Variants in SLC2A13 observed in about 807,000 individuals in gnomAD.
The protein encoded by SLC2A13 is solute carrier family 2 member 13, also known as proton myo-inositol cotransporter.
SLC2A13 carries 32 observed loss-of-function variants against 64.4 expected under a neutral mutation model. The ratio of observed to expected loss-of-function variants is 0.50; its 90% confidence interval spans 0.37 to 0.67. The LOEUF is 0.67. Among genes scored for constraint, SLC2A13 ranks in the 30% least tolerant of loss-of-function variants. The pLI is 0.00. For missense variants in SLC2A13, 743 were observed against 829.2 expected (o/e 0.90, Z 1.28); for synonymous variants, 338 against 327.1 (o/e 1.03, Z -0.36).
chr12:40,020,364 C>T (rs1947691558), intron 3 of SLC2A13, among the ~76,000 whole-genome samples: 1 of 152,150 alleles, frequency 6.6e-6, no homozygotes, highest in Non-Finnish European at 1.5e-5. Context: ...AGTGAGTTCT[C>T]ACGAGCTCTG....
intron 1 of SLC2A13, among the ~76,000 whole-genome samples, chr12:40,075,012 G>A (rs1242950656): frequency 6.6e-6 from 1 of 152,102 alleles, no homozygotes; most frequent in Non-Finnish European, 1.5e-5. Flanking sequence ...GCTTACCCCA[G>A]GCCACTTACA....
intron 1 of SLC2A13, among the ~76,000 whole-genome samples, chr12:40,049,822 G>A (rs1051871151): frequency 5.0e-4 from 76 of 152,004 alleles, no homozygotes; most frequent in Non-Finnish European, 3.8e-4. Flanking sequence ...CTGTATTATT[G>A]CATAACTACT....
intron 2 of SLC2A13, among the ~76,000 whole-genome samples, chr12:40,029,544 C>T (rs1355216841): frequency 2.0e-5 from 3 of 152,138 alleles, no homozygotes; most frequent in Non-Finnish European, 2.9e-5. Context: ...CAAAGCTATT[C>T]TACCTTTTAA....
intron 4 of SLC2A13, among the ~76,000 whole-genome samples, chr12:39,922,758 A>C (rs1315515973): frequency 1.3e-5 from 2 of 152,146 alleles, no homozygotes; most frequent in Non-Finnish European, 2.9e-5. Flanking sequence ...TATTTTCACT[A>C]AATACTGCCT....
rs2136314497 is a variant in SLC2A13, at chr12:40,105,938, G to A, written c.-130C>T. 1 of 1,150,096 alleles carries A rather than the reference G, an allele frequency of 8.7e-7. No homozygotes were observed. The highest frequency in any genetic ancestry group is 2.8e-5 in the South Asian group (1 of 36,062). 71.2% of individuals were successfully genotyped at this position (1,150,096 alleles called of 1,614,324 possible). ...TTTCTTCCTCCCGGCTTCCGCTCCGGCTGCCACGGCAGCAGCCGCCGCCAC... is the reference window on the plus strand; with the variant it reads ...TTTCTTCCTCCCGGCTTCCGCTCCGACTGCCACGGCAGCAGCCGCCGCCAC... On this transcript the variant is annotated 5_prime_UTR_variant, in exon 1 of 10. Transcript: ENST00000280871. This position sits in a 1 kb window ranked among gnomAD's most constrained non-coding sequence, Gnocchi z 4.2.
chr12:40,012,442 T>C (rs1947546606), intron 3 of SLC2A13, among the ~76,000 whole-genome samples: 1 of 152,204 alleles, frequency 6.6e-6, no homozygotes, highest in Non-Finnish European at 1.5e-5. Flanking sequence ...GCGTCTTCAC[T>C]CCAGGTGTAG....
chr12:39,897,610 T>C (rs1183372601), intron 4 of SLC2A13, among the ~76,000 whole-genome samples: 1 of 152,206 alleles, frequency 6.6e-6, no homozygotes, highest in Non-Finnish European at 1.5e-5. Context: ...CACATGCAGC[T>C]CTTGAGCACT....
chr12:39,762,109 T>C (rs916167795), intron 9 of SLC2A13, among the ~76,000 whole-genome samples: 3 of 152,082 alleles, frequency 2.0e-5, no homozygotes, highest in African/African-American at 7.2e-5. Context: ...AGCACGCAAA[T>C]GCCAAAACTG....
chr12:40,018,643 C>A (rs530744774), intron 3 of SLC2A13, among the ~76,000 whole-genome samples: 1 of 152,260 alleles, frequency 6.6e-6, no homozygotes, highest in South Asian at 2.1e-4. Context: ...TATCAAAAGG[C>A]CTTCTTTGCC....
At chr12:40,003,699 A>T (rs1204149348) in intron 3 of SLC2A13, among the ~76,000 whole-genome samples, 1 of 152,014 alleles carries the variant, frequency 6.6e-6, no homozygotes, top group African/African-American at 2.4e-5. Context: ...CAATACATTT[A>T]GAAATGTATT....
chr12:39,998,745 G>T (rs146828997), intron 3 of SLC2A13, among the ~76,000 whole-genome samples: 1,651 of 152,316 alleles, frequency 0.011, 124 homozygotes, highest in Admixed American at 0.095. Context: ...TTAATGCTGA[G>T]ATGAGTTAAG....
intron 7 of SLC2A13, among the ~76,000 whole-genome samples, chr12:39,794,999 CTGTT>C (rs754834498): frequency 1.2e-4 from 19 of 152,096 alleles, no homozygotes; most frequent in Non-Finnish European, 2.8e-4. Context: ...TCATTCTAAT[CTGTT>C]TGGTGTGGAT....
chr12:39,874,617 A>G lies in SLC2A13; in HGVS notation c.1035-2656T>C, dbSNP rs977244401. Among the ~76,000 whole-genome samples the G allele has an allele frequency of 3.8e-3, 102 of 26,556 alleles. 1 individual carries two copies. The highest frequency in any genetic ancestry group is 0.023 in the African/African-American group (97 of 4,242). 17.4% of individuals were successfully genotyped at this position (26,556 alleles called of 152,430 possible). A position where few individuals can be genotyped will look rare whatever the true frequency, so the allele number is the denominator to read the frequency against. On this transcript the variant is annotated intron_variant, in intron 4 of 9. Coordinates refer to ENST00000280871, the MANE Select transcript of SLC2A13 (RefSeq NM_052885.4). ...GCAACAAAAGCAAAACTCCATCTCA[A>G]AAAAAAAAAAAAAAAAAGAATGCAT...
intron 7 of SLC2A13, among the ~76,000 whole-genome samples, chr12:39,790,199 T>C (rs1207835451): frequency 2.4e-5 from 2 of 81,990 alleles, no homozygotes. Flanking sequence ...AGCCTAAGTG[T>C]ACAGTGTTTT....
At chr12:39,811,939 CAT>C (rs1317714792) in intron 7 of SLC2A13, among the ~76,000 whole-genome samples, 1 of 152,164 alleles carries the variant, frequency 6.6e-6, no homozygotes, top group East Asian at 1.9e-4. Flanking sequence ...TTTATTTTAA[CAT>C]AGTTTACCAA....
At chr12:39,924,782 T>G (rs1216907318) in intron 4 of SLC2A13, among the ~76,000 whole-genome samples, 3 of 152,132 alleles carry the variant, frequency 2.0e-5, no homozygotes, top group African/African-American at 7.2e-5. Context: ...TAAAATGCAA[T>G]AGGCTTGACC....
At chr12:39,763,594 T>C (rs1264851180) in intron 9 of SLC2A13, among the ~76,000 whole-genome samples, 1 of 151,946 alleles carries the variant, frequency 6.6e-6, no homozygotes, top group Non-Finnish European at 1.5e-5. Flanking sequence ...CAAAGAGAAA[T>C]GATAAGTGGC....
At chr12:39,896,132 A>G (rs574842139) in intron 4 of SLC2A13, among the ~76,000 whole-genome samples, 1 of 149,384 alleles carries the variant, frequency 6.7e-6, no homozygotes, top group East Asian at 2.0e-4. Context: ...ATATATGTAT[A>G]CACGTGTACC....
At chr12:39,794,996 A>T (rs1035621107) in intron 7 of SLC2A13, among the ~76,000 whole-genome samples, 1 of 151,992 alleles carries the variant, frequency 6.6e-6, no homozygotes, top group Non-Finnish European at 1.5e-5. Context: ...GTCTCATTCT[A>T]ATCTGTTTGG....
Sources: gnomAD v4.1 joint callset for allele counts (sites outside exome capture counted in the v4.1 genomes callset) on GRCh38, gnomAD v4.1.1 for gene constraint, Gnocchi (gnomAD v3.1) non-coding constraint, MANE v1.5 for transcripts, NCBI Gene and HGNC (gene_info 2026-07-23, HGNC 2026-07-21) for gene names.